The following REV3L variants were observed in gnomAD, a reference collection of about 807,000 sequenced individuals.
The protein encoded by REV3L is DNA polymerase zeta catalytic subunit.
In REV3L, 69 loss-of-function variants were observed where a neutral mutation model predicts 299.4. The ratio of observed to expected loss-of-function variants is 0.23; its 90% CI spans 0.19 to 0.28. The LOEUF (loss-of-function observed/expected upper bound fraction) is 0.28. Among genes scored for constraint, REV3L ranks in the 10% least tolerant of loss-of-function variants. The pLI is 1.00. For synonymous variants in REV3L, 1,238 were observed against 1,271.4 expected (o/e 0.97, Z 0.56); for missense variants, 3,128 against 3,693.8 (o/e 0.85, Z 3.97).
At chr6:111,414,854 A>G (rs1261421413) in intron 2 of REV3L, among the ~76,000 whole-genome samples, 1 of 152,146 alleles carries the variant, frequency 6.6e-6, no homozygotes, top group Non-Finnish European at 1.5e-5. Context: ...GAAGCTGATG[A>G]TTACTTCCCT....
intron 16 of REV3L, chr6:111,361,503 G>GTCT (rs1277626499): frequency 6.6e-6 from 1 of 151,414 alleles, no homozygotes; most frequent in Non-Finnish European, 1.5e-5. Flanking sequence ...GGTTAAAAGG[G>GTCT]TCTTAGAGGT....
intron 9 of REV3L, among the ~76,000 whole-genome samples, chr6:111,382,306 C>T (rs1476667468): frequency 1.3e-5 from 2 of 152,054 alleles, no homozygotes; most frequent in Non-Finnish European, 2.9e-5. Flanking sequence ...AAAGAGGCAG[C>T]GAAGAGGGTA....
chr6:111,315,399 A>G lies in REV3L; in HGVS notation c.8352-18T>C. On this transcript the variant is annotated intron_variant, in intron 26 of 31. Coordinates refer to ENST00000368802, the MANE Select transcript of REV3L (RefSeq NM_001372078.1). ...CAAACATACTAAGGGGATTAAAAATAAAGTAAGGTAATGAGGAAGTCATTA... is the reference window on the plus strand; with the variant it reads ...CAAACATACTAAGGGGATTAAAAATGAAGTAAGGTAATGAGGAAGTCATTA... 6.3e-7 allele frequency: 1 copy of G among 1,597,042 alleles called. No homozygotes were observed. Among genetic ancestry groups the G allele is most frequent in the Non-Finnish European group, 8.6e-7 (1 of 1,166,156 alleles).
chr6:111,335,086 T>G (rs1775776889), intron 22 of REV3L, among the ~76,000 whole-genome samples: 1 of 152,148 alleles, frequency 6.6e-6, no homozygotes, highest in African/African-American at 2.4e-5. Context: ...CATAGTCCAC[T>G]TATATTGATT....
chr6:111,474,886 T>C (rs1207878780), intron 1 of REV3L, among the ~76,000 whole-genome samples: 1 of 151,964 alleles, frequency 6.6e-6, no homozygotes, highest in Non-Finnish European at 1.5e-5. Context: ...AGTTAGTCCA[T>C]CTTTGTCCTC....
chr6:111,333,093 A>G, intron 23 of REV3L, 30 bp downstream of exon 23: 2 of 1,609,546 alleles, frequency 1.2e-6, no homozygotes, highest in Non-Finnish European at 1.7e-6. Flanking sequence ...AAGCACAACA[A>G]TATTATTGTA....
At chr6:111,471,646 C>T (rs1792229360) in intron 1 of REV3L, among the ~76,000 whole-genome samples, 2 of 152,174 alleles carry the variant, frequency 1.3e-5, no homozygotes, top group Admixed American at 6.5e-5. Context: ...TTAAAACTCA[C>T]TTTACAGAGG....
chr6:111,314,408 GT>G (rs1283242367), intron 27 of REV3L, among the ~76,000 whole-genome samples: 3 of 152,162 alleles, frequency 2.0e-5, no homozygotes, highest in Non-Finnish European at 4.4e-5. Context: ...CAGCTTTTGT[GT>G]TTCTTTGGGA....
intron 26 of REV3L, among the ~76,000 whole-genome samples, chr6:111,317,560 C>T (rs1206767421): frequency 6.6e-6 from 1 of 152,156 alleles, no homozygotes. Flanking sequence ...AATCATGGCT[C>T]ACTGCGCCTC....
chr6:111,326,563 T>C (rs1472939224), intron 25 of REV3L, among the ~76,000 whole-genome samples: 4 of 150,516 alleles, frequency 2.7e-5, no homozygotes, highest in Admixed American at 6.7e-5. Context: ...AATCTAAAAA[T>C]AGAACTGCCA....
chr6:111,352,507 A>C (rs1777679256), intron 18 of REV3L, among the ~76,000 whole-genome samples: 1 of 152,096 alleles, frequency 6.6e-6, no homozygotes, highest in African/African-American at 2.4e-5. Context: ...TCCCTAGGTC[A>C]TTGTGTTGCC....
intron 14 of REV3L, among the ~76,000 whole-genome samples, chr6:111,365,816 G>A (rs1006216858): frequency 3.9e-5 from 6 of 152,160 alleles, no homozygotes; most frequent in Admixed American, 3.3e-4. Flanking sequence ...AAAATCTGAA[G>A]AGAGTAGTAA....
rs1793958207 is a variant in REV3L at position 111,482,990 on chromosome 6, C to T, written c.-102G>A. ...AGCGGCGGCGGCGCCCCCTCCCCTT[C>T]TCGGCACGGCCCCCTCCCCTCACAC... On this transcript the variant is annotated 5_prime_UTR_variant, in exon 1 of 32. Coordinates refer to ENST00000368802, the MANE Select transcript of REV3L (RefSeq NM_001372078.1). The T allele has an allele frequency of 7.5e-7, 1 of 1,331,974 alleles. No homozygotes were observed. Among genetic ancestry groups the T allele is most frequent in the Non-Finnish European group, 9.8e-7 (1 of 1,024,868 alleles). The allele number at this position is 1,331,974 out of a possible 1,614,324, so 82.5% of individuals were successfully genotyped here. A position where few individuals can be genotyped will look rare whatever the true frequency, so the allele number is the denominator to read the frequency against.
Position 111,307,654 on chromosome 6 carries a change from G to GGCAT in REV3L, c.9043-88_9043-85dup, listed in dbSNP as rs1310557590. On this transcript the variant is annotated intron_variant, in intron 30 of 31. Transcript: ENST00000368802. ...TTCATGCTAATTACAGGTTTACTCA[G>GGCAT]GCATTCATTCATTCGTTCATTCACT... 4.0e-5 allele frequency: 51 copies of GGCAT among 1,288,864 alleles called. No homozygotes were observed. In the South Asian group the frequency reaches 4.9e-4, roughly 12 times the overall value. 79.8% of individuals were successfully genotyped at this position (1,288,864 alleles called of 1,614,324 possible). A position where few individuals can be genotyped will look rare whatever the true frequency, so the allele number is the denominator to read the frequency against.
At position 111,377,804 on chromosome 6, in the gene REV3L, A is replaced by G; in HGVS notation, c.1494T>C (p.Asp498=). ...CRNTHRSSTE[D]DDSSSGEEME... ...TTTCTTCTCCTGAAGATGAGTCATC[A>G]TCTTCAGTTGAACTTCTGTGGGTAT... Residue 498 remains aspartate, a synonymous_variant, in exon 12 of 32, where the codon GAT becomes GAC. Transcript: ENST00000368802. 6.2e-7 allele frequency: 1 copy of G among 1,613,514 alleles called. No homozygotes were observed.
chr6:111,440,419 G>A (rs761581137), intron 1 of REV3L, among the ~76,000 whole-genome samples: 5 of 152,236 alleles, frequency 3.3e-5, no homozygotes, highest in East Asian at 1.9e-4. Flanking sequence ...ATCTTTTGGC[G>A]AAAATGTGTT....
At chr6:111,371,537 C>T (rs1255824792) in intron 13 of REV3L, among the ~76,000 whole-genome samples, 1 of 151,414 alleles carries the variant, frequency 6.6e-6, no homozygotes, top group Non-Finnish European at 1.5e-5. Context: ...ACCACAGGTG[C>T]ATGCCACCAT....
intron 1 of REV3L, among the ~76,000 whole-genome samples, chr6:111,428,907 A>G (rs898079581): frequency 7.2e-5 from 11 of 152,204 alleles, no homozygotes; most frequent in African/African-American, 2.4e-4. Flanking sequence ...CACCAAATAG[A>G]TTTGATGCAA....
At chr6:111,350,752 CTTTTTTT>C (rs35185792) in intron 19 of REV3L, among the ~76,000 whole-genome samples, 10 of 138,626 alleles carry the variant, frequency 7.2e-5, no homozygotes, top group African/African-American at 1.3e-4. Flanking sequence ...AATTTTCTTT[CTTTTTTT>C]TTTTTTTTTG....
Sources: gnomAD v4.1 joint callset for allele counts (sites outside exome capture counted in the v4.1 genomes callset) on GRCh38, gnomAD v4.1.1 for gene constraint, MANE v1.5 for transcripts, NCBI Gene and HGNC (gene_info 2026-07-23, HGNC 2026-07-21) for gene names.